The following TRAPPC8 variants were observed in gnomAD, a reference collection of about 807,000 sequenced individuals.
TRAPPC8 encodes general sporulation gene 1 homolog.
In TRAPPC8, 54 loss-of-function variants were observed where a neutral mutation model predicts 174.3. That is an observed-to-expected ratio of 0.31 (90% CI 0.25 to 0.39). The LOEUF (loss-of-function observed/expected upper bound fraction) is 0.39. Among genes scored for constraint, TRAPPC8 ranks in the 10% least tolerant of loss-of-function variants. The pLI, the probability that TRAPPC8 is intolerant of heterozygous loss-of-function variation, is 1.00. For synonymous variants in TRAPPC8, 630 were observed against 579.9 expected, an observed-to-expected ratio of 1.09 and a Z score of -1.24; for missense variants, 1,531 against 1,699.1, an observed-to-expected ratio of 0.90 and a Z score of 1.74.
chr18:31,864,286 A>T (rs1392833140), intron 19 of TRAPPC8, among the ~76,000 whole-genome samples: 1 of 151,886 alleles, frequency 6.6e-6, no homozygotes, highest in Non-Finnish European at 1.5e-5. Context: ...AGATGCTTCT[A>T]CATTGCTTAA....
rs563359139 is a variant in TRAPPC8 at position 31,885,809 on chromosome 18, G to A, written c.1728+4926C>T. On this transcript the variant is annotated intron_variant, in intron 12 of 28. Coordinates refer to ENST00000283351, the MANE Select transcript of TRAPPC8 (RefSeq NM_014939.5). Reference sequence around the variant, plus strand: ...TGGGAGGCGGAGGTTGCAGTGAGCCGAGATCGCGCCATTGCACTCCAGCCT... The same window carrying A: ...TGGGAGGCGGAGGTTGCAGTGAGCCAAGATCGCGCCATTGCACTCCAGCCT... 7.9e-5 allele frequency among the ~76,000 whole-genome samples: 12 copies of A among 151,614 alleles called. No homozygotes were observed. The East Asian group carries it at 2.2e-3, about 27-fold the overall frequency.
At chr18:31,877,468 G>T (rs956802708) in intron 12 of TRAPPC8, among the ~76,000 whole-genome samples, 20 of 151,900 alleles carry the variant, frequency 1.3e-4, no homozygotes, top group African/African-American at 4.1e-4. Context: ...AAACATTACC[G>T]GGGTGAGGTG....
chr18:31,933,745 A>T (rs2037956214), intron 1 of TRAPPC8, among the ~76,000 whole-genome samples: 1 of 152,176 alleles, frequency 6.6e-6, no homozygotes, highest in African/African-American at 2.4e-5. Flanking sequence ...AAATAAAGTT[A>T]TATGCATACA....
chr18:31,937,600 C>A (rs923076848), intron 1 of TRAPPC8: 6 of 151,054 alleles, frequency 4.0e-5, no homozygotes, highest in African/African-American at 7.3e-5. Context: ...AGCTCCTGCA[C>A]AAGGATCACA....
intron 10 of TRAPPC8, 104 bp from the exon 11 acceptor site, chr18:31,897,995 T>G: frequency 5.0e-6 from 5 of 994,138 alleles, no homozygotes; most frequent in Non-Finnish European, 7.2e-6. Flanking sequence ...AGAGGATAGT[T>G]GCAGGGAGAT....
intron 26 of TRAPPC8, chr18:31,844,922 CTT>C (rs1335015145): frequency 2.0e-5 from 3 of 152,024 alleles, no homozygotes; most frequent in East Asian, 1.9e-4. Flanking sequence ...TTAGTATAAA[CTT>C]AATCTAATCA....
chr18:31,931,539 G>A lies in TRAPPC8; in HGVS notation c.158-16C>T, dbSNP rs11081726. 2 of 1,522,832 alleles carry A rather than the reference G, an allele frequency of 1.3e-6. No homozygotes were observed. The highest frequency in any genetic ancestry group is 1.8e-6 in the Non-Finnish European group (2 of 1,135,118). 94.3% of individuals were successfully genotyped at this position (1,522,832 alleles called of 1,614,324 possible). A position where few individuals can be genotyped will look rare whatever the true frequency, so the allele number is the denominator to read the frequency against. ...CTCATGTGAACTTTAAAGAAAAAAA[G>A]AAAAAAACTTGAAATTAATTCTATA... is the stretch of plus-strand genomic sequence containing the variant. On this transcript the variant is annotated splice_polypyrimidine_tract_variant and intron_variant, in intron 1 of 28. Transcript: ENST00000283351.
rs1455744282 is a variant in TRAPPC8, at chr18:31,924,736, C to T, written c.352+6593G>A. 6.9e-5 allele frequency among the ~76,000 whole-genome samples: 6 copies of T among 86,958 alleles called. No homozygotes were observed. The South Asian group carries it at 2.4e-3, about 35-fold the overall frequency. 57.0% of individuals were successfully genotyped at this position (86,958 alleles called of 152,430 possible). On this transcript the variant is annotated intron_variant, in intron 2 of 28. Coordinates refer to ENST00000283351, the MANE Select transcript of TRAPPC8 (RefSeq NM_014939.5). ...CTGGGCAACAACAGCGAAACTCCGTCTCAAAAAAAAAAAAAAAAAAAAAAA... is the reference window on the plus strand; with the variant it reads ...CTGGGCAACAACAGCGAAACTCCGTTTCAAAAAAAAAAAAAAAAAAAAAAA...
At position 31,866,954 on chromosome 18, in the gene TRAPPC8, G is replaced by A; in HGVS notation, c.2485C>T (p.His829Tyr). The A allele has an allele frequency of 6.2e-7, 1 of 1,613,528 alleles. No individual in the cohort carries two copies. Among genetic ancestry groups the A allele is most frequent in the Non-Finnish European group, 8.5e-7 (1 of 1,179,658 alleles). ...SKVARLKLFP[H>Y]HIGELHILGV... The stretch of plus-strand genomic sequence containing the variant: ...AGAATATGCAGCTCCCCTATGTGAT[G>A]GGGAAAGAGCTTTAGTCTTGCCTGT... Residue 829 changes from histidine to tyrosine, a missense_variant, in exon 18 of 29, where the codon CAT (histidine) becomes TAT (tyrosine). By Grantham distance (83) the His-to-Tyr change is moderately conservative (BLOSUM62 2). Transcript: ENST00000283351.
intron 10 of TRAPPC8, among the ~76,000 whole-genome samples, chr18:31,900,225 C>T (rs1204694848): frequency 6.6e-6 from 1 of 152,070 alleles, no homozygotes; most frequent in East Asian, 1.9e-4. Context: ...CAGAGCAAGA[C>T]TCCTCCTCAA....
intron 21 of TRAPPC8, 131 bp from the exon 22 acceptor site, chr18:31,854,076 T>C (rs1464493922): frequency 2.9e-6 from 2 of 693,608 alleles, no homozygotes; most frequent in African/African-American, 1.8e-5. Flanking sequence ...ACAATATACA[T>C]TTCCAAAAAC....
intron 12 of TRAPPC8, among the ~76,000 whole-genome samples, chr18:31,884,999 A>G (rs1014119221): frequency 6.6e-6 from 1 of 150,794 alleles, no homozygotes; most frequent in African/African-American, 2.4e-5. Flanking sequence ...GACTATAGGC[A>G]CCCGCCACCA....
chr18:31,938,647 T>C (rs2038202251), intron 1 of TRAPPC8, among the ~76,000 whole-genome samples: 2 of 152,330 alleles, frequency 1.3e-5, no homozygotes, highest in South Asian at 2.1e-4. Context: ...CTACCCTAAG[T>C]AAAGGCATAC....
At chr18:31,870,322 T>C (rs2034789900) in intron 16 of TRAPPC8, 50 bp downstream of exon 16, 2 of 1,522,410 alleles carry the variant, frequency 1.3e-6, no homozygotes, top group Non-Finnish European at 1.8e-6. Flanking sequence ...ACTACAGCAT[T>C]TGTTAGGCTG....
At chr18:31,934,679 C>T (rs1045550605) in intron 1 of TRAPPC8, among the ~76,000 whole-genome samples, 33 of 152,016 alleles carry the variant, frequency 2.2e-4, no homozygotes, top group Non-Finnish European at 4.3e-4. Flanking sequence ...ACCAGCCTGG[C>T]CAACGTGGTG....
At chr18:31,840,964 C>CTAA (rs983334126) in intron 26 of TRAPPC8, among the ~76,000 whole-genome samples, 66 of 151,498 alleles carry the variant, frequency 4.4e-4, no homozygotes, top group African/African-American at 1.6e-3. Flanking sequence ...AGATTATAGC[C>CTAA]TAATCAGTGG....
intron 4 of TRAPPC8, among the ~76,000 whole-genome samples, chr18:31,915,936 A>G (rs1323697031): frequency 1.3e-5 from 2 of 150,884 alleles, no homozygotes; most frequent in African/African-American, 2.4e-5. Context: ...GGGCACCTGT[A>G]ATTCCAGCTA....
chr18:31,858,597 G>A (rs2034158302), intron 19 of TRAPPC8, among the ~76,000 whole-genome samples: 1 of 152,130 alleles, frequency 6.6e-6, no homozygotes, highest in South Asian at 2.1e-4. Context: ...AAATATTAAT[G>A]TTTGGTTACT....
chr18:31,879,597 AAAAG>A (rs904658665), intron 12 of TRAPPC8, among the ~76,000 whole-genome samples: 3 of 152,138 alleles, frequency 2.0e-5, no homozygotes, highest in African/African-American at 7.2e-5. Flanking sequence ...CTGGCAAAAG[AAAAG>A]AAATAAAGAT....
Sources: gnomAD v4.1 joint callset for allele counts (sites outside exome capture counted in the v4.1 genomes callset) on GRCh38, gnomAD v4.1.1 for gene constraint, MANE v1.5 for transcripts, NCBI Gene and HGNC (gene_info 2026-07-23, HGNC 2026-07-21) for gene names.